Variants in TMEM178B observed in about 807,000 individuals in gnomAD.
The protein encoded by TMEM178B is transmembrane protein 178B.
In TMEM178B, 5 loss-of-function variants were observed where a neutral mutation model predicts 31.0. That is an observed-to-expected ratio of 0.16 (90% CI 0.08 to 0.34). The LOEUF (loss-of-function observed/expected upper bound fraction) is 0.34. TMEM178B is among the 10% of genes least tolerant of loss of function. The pLI is 1.00. For missense variants in TMEM178B, 275 were observed against 400.3 expected, an observed-to-expected ratio of 0.69 and a Z score of 2.67; for synonymous variants, 164 against 164.0, an observed-to-expected ratio of 1.00 and a Z score of 0.00.
chr7:141,351,368 G>A (rs888149388), intron 2 of TMEM178B, among the ~76,000 whole-genome samples: 2 of 152,262 alleles, frequency 1.3e-5, no homozygotes, highest in Non-Finnish European at 2.9e-5. Context: ...GGCCTAGAAT[G>A]GCCTTAGCCG....
Position 141,252,319 on chromosome 7 carries a change from G to A in TMEM178B, c.496+39615G>A, listed in dbSNP as rs115040160. ...GGGGGTCTCTTCTTGCTATTTTGGG[G>A]GTCTGAGCCCTCTGTCCTGCAGGCA... On this transcript the variant is annotated intron_variant, in intron 2 of 3. Transcript: ENST00000565468. 5.3e-3 allele frequency among the ~76,000 whole-genome samples: 809 copies of A among 152,246 alleles called. 2 individuals carry two copies. The highest frequency in any genetic ancestry group is 0.014 in the Middle Eastern group (4 of 294).
At chr7:141,255,436 A>G (rs1222358673) in intron 2 of TMEM178B, among the ~76,000 whole-genome samples, 1 of 152,242 alleles carries the variant, frequency 6.6e-6, no homozygotes, top group Non-Finnish European at 1.5e-5. Flanking sequence ...GTTTGATTTC[A>G]TTAACAAACA....
At chr7:141,113,748 C>T (rs1795273163) in intron 1 of TMEM178B, among the ~76,000 whole-genome samples, 1 of 152,166 alleles carries the variant, frequency 6.6e-6, no homozygotes, top group African/African-American at 2.4e-5. Flanking sequence ...CCAGCACCTG[C>T]AGCAGCAAGC....
chr7:141,470,081 ATGAG>A (rs1802212212), intron 3 of TMEM178B, among the ~76,000 whole-genome samples: 1 of 152,240 alleles, frequency 6.6e-6, no homozygotes, highest in African/African-American at 2.4e-5. Flanking sequence ...CTAATACTGT[ATGAG>A]TAAGTTGTTA....
chr7:141,409,265 G>A (rs1800939314), intron 2 of TMEM178B, among the ~76,000 whole-genome samples: 1 of 152,148 alleles, frequency 6.6e-6, no homozygotes, highest in African/African-American at 2.4e-5. Context: ...GCTGGCAAGA[G>A]GAGAGAAGAA....
At chr7:141,245,331 A>C (rs1165976213) in intron 2 of TMEM178B, among the ~76,000 whole-genome samples, 1 of 151,760 alleles carries the variant, frequency 6.6e-6, no homozygotes, top group Non-Finnish European at 1.5e-5. Context: ...AGGACTGTGG[A>C]AAGGCCAGAA....
chr7:141,303,272 G>A (rs929505575), intron 2 of TMEM178B, among the ~76,000 whole-genome samples: 7 of 152,086 alleles, frequency 4.6e-5, no homozygotes, highest in African/African-American at 1.7e-4. Context: ...TGGAATTATC[G>A]CCTGTGTTAG....
chr7:141,243,607 G>A (rs1267390826), intron 2 of TMEM178B, among the ~76,000 whole-genome samples: 5 of 152,096 alleles, frequency 3.3e-5, no homozygotes, highest in East Asian at 1.9e-4. Context: ...CACTCTCCTC[G>A]CTGGGCCTCG....
rs546373921 is a variant in TMEM178B at position 141,427,641 on chromosome 7, G to A, written c.497-9967G>A. 8.9e-4 allele frequency among the ~76,000 whole-genome samples: 135 copies of A among 152,192 alleles called. 2 individuals are homozygous for A. The highest frequency in any genetic ancestry group is 8.1e-4 in the Non-Finnish European group (55 of 68,000). On this transcript the variant is annotated intron_variant, in intron 2 of 3. Transcript: ENST00000565468. The stretch of plus-strand genomic sequence containing the variant: ...GGGAAATGTTTCATGACATTGGTCT[G>A]GGCAAGGATTTTTTTTTATATGAGA...
intron 2 of TMEM178B, among the ~76,000 whole-genome samples, chr7:141,271,503 T>C (rs1429724461): frequency 6.6e-6 from 1 of 152,174 alleles, no homozygotes; most frequent in Non-Finnish European, 1.5e-5. Context: ...CCCCAGTGCA[T>C]AGGAAGAGTC....
At chr7:141,363,973 G>T (rs1347763056) in intron 2 of TMEM178B, among the ~76,000 whole-genome samples, 1 of 150,390 alleles carries the variant, frequency 6.6e-6, no homozygotes, top group African/African-American at 2.4e-5. Flanking sequence ...AAATATTAAA[G>T]AATTTAAAAT....
At chr7:141,141,144 A>G (rs1795761788) in intron 1 of TMEM178B, among the ~76,000 whole-genome samples, 1 of 152,170 alleles carries the variant, frequency 6.6e-6, no homozygotes, top group African/African-American at 2.4e-5. Context: ...TCATATCAGT[A>G]TCAACTCATG....
chr7:141,293,002 G>A (rs1798572947), intron 2 of TMEM178B, among the ~76,000 whole-genome samples: 1 of 152,098 alleles, frequency 6.6e-6, no homozygotes, highest in Admixed American at 6.6e-5. Context: ...GCAATAGTGA[G>A]ATTGCCAGGG....
intron 2 of TMEM178B, among the ~76,000 whole-genome samples, chr7:141,246,975 A>G (rs542828353): frequency 2.0e-5 from 3 of 152,260 alleles, no homozygotes; most frequent in Admixed American, 6.5e-5. Flanking sequence ...TTTGTAGATC[A>G]TCTCTGCAGC....
intron 1 of TMEM178B, among the ~76,000 whole-genome samples, chr7:141,103,686 A>G (rs1795095222): frequency 1.3e-5 from 2 of 152,192 alleles, no homozygotes; most frequent in African/African-American, 4.8e-5. Flanking sequence ...AGCTTTAGGG[A>G]ACAAAATTTG....
At chr7:141,392,634 A>G (rs1413600510) in intron 2 of TMEM178B, among the ~76,000 whole-genome samples, 2 of 152,046 alleles carry the variant, frequency 1.3e-5, no homozygotes, top group African/African-American at 4.8e-5. Flanking sequence ...ATGTCCCCCA[A>G]ATGTCTATTA....
intron 3 of TMEM178B, among the ~76,000 whole-genome samples, chr7:141,446,882 T>G (rs571133745): frequency 6.6e-6 from 1 of 152,128 alleles, no homozygotes; most frequent in Non-Finnish European, 1.5e-5. Context: ...AAGTACTTCT[T>G]TTTTTAAATA....
At chr7:141,210,418 G>A (rs1054760781) in intron 1 of TMEM178B, among the ~76,000 whole-genome samples, 3 of 152,082 alleles carry the variant, frequency 2.0e-5, no homozygotes, top group Non-Finnish European at 4.4e-5. Flanking sequence ...AGCCGAGATC[G>A]CGCCATTGCA....
chr7:141,215,744 T>C (rs937391266), intron 2 of TMEM178B, among the ~76,000 whole-genome samples: 53 of 152,242 alleles, frequency 3.5e-4, no homozygotes, highest in Non-Finnish European at 1.5e-4. Context: ...TGGCAAATAT[T>C]TGGACTTTGG....
Sources: gnomAD v4.1 joint callset for allele counts (sites outside exome capture counted in the v4.1 genomes callset) on GRCh38, gnomAD v4.1.1 for gene constraint, MANE v1.5 for transcripts, NCBI Gene and HGNC (gene_info 2026-07-23, HGNC 2026-07-21) for gene names.